The following RPS6KA2 variants were observed in gnomAD, a reference collection of about 807,000 sequenced individuals.
RPS6KA2 encodes the protein ribosomal protein S6 kinase alpha-2.
Under a neutral mutation model 91.8 loss-of-function variants are expected in RPS6KA2, and 42 were observed. The ratio of observed to expected loss-of-function variants is 0.46; its 90% confidence interval spans 0.36 to 0.59. The LOEUF (loss-of-function observed/expected upper bound fraction) is 0.59. Among genes scored for constraint, RPS6KA2 ranks in the 20% least tolerant of loss-of-function variants. The pLI is 0.00. For synonymous variants in RPS6KA2, 414 were observed against 393.6 expected (o/e 1.05, Z -0.61); for missense variants, 798 against 978.5 (o/e 0.82, Z 2.46).
At chr6:166,647,599 C>A (rs1787648764) in intron 2 of RPS6KA2, among the ~76,000 whole-genome samples, 1 of 152,218 alleles carries the variant, frequency 6.6e-6, no homozygotes, top group Non-Finnish European at 1.5e-5. Flanking sequence ...CATACCGCTC[C>A]CTAACAGGAA....
At chr6:166,709,694 G>T (rs1562395020) in intron 2 of RPS6KA2, among the ~76,000 whole-genome samples, 1 of 152,188 alleles carries the variant, frequency 6.6e-6, no homozygotes, top group Non-Finnish European at 1.5e-5. Context: ...TTAAGTCCTG[G>T]CACATTCCTC....
At chr6:166,475,402 G>A (rs531655927) in intron 10 of RPS6KA2, among the ~76,000 whole-genome samples, 2 of 152,308 alleles carry the variant, frequency 1.3e-5, no homozygotes, top group East Asian at 3.9e-4. Flanking sequence ...TGGGGACATT[G>A]CAGAGTCACA....
Position 166,411,968 on chromosome 6 carries a change from T to G in RPS6KA2, c.*794A>C, listed in dbSNP as rs1222773177. The G allele has an allele frequency of 6.6e-6, 1 of 152,088 alleles. No individual in the cohort carries two copies. Among genetic ancestry groups the G allele is most frequent in the Non-Finnish European group, 1.5e-5 (1 of 68,086 alleles). 9.4% of individuals were successfully genotyped at this position (152,088 alleles called of 1,614,324 possible). ...CAGATAGCTGTGTGGCCACGGGAGC[T>G]GGGGACAGACGGCAGCCCAGTGCGC... is the stretch of plus-strand genomic sequence containing the variant. On this transcript the variant is annotated 3_prime_UTR_variant, in exon 21 of 21. Coordinates refer to ENST00000265678, the MANE Select transcript of RPS6KA2 (RefSeq NM_021135.6). This position sits in a 1 kb window ranked among gnomAD's most constrained non-coding sequence, Gnocchi z 4.5.
chr6:166,510,515 A>G (rs1782426757), intron 3 of RPS6KA2, among the ~76,000 whole-genome samples, 158 bp from the exon 4 acceptor site: 1 of 139,820 alleles, frequency 7.2e-6, no homozygotes. Context: ...CCTAGATTTA[A>G]CAACTGCTTA....
At chr6:166,597,769 C>T (rs1053822028) in intron 1 of RPS6KA2, among the ~76,000 whole-genome samples, 1 of 152,134 alleles carries the variant, frequency 6.6e-6, no homozygotes, top group African/African-American at 2.4e-5. Context: ...CAAGAAATAT[C>T]CAATGGGTGA....
rs547948597 is a variant in RPS6KA2, at chr6:166,760,108, G to A, written c.123+98092C>T. ...TTTCAAATACACAGGAATAAAAACG[G>A]AAGGTTTCTTTTGGCTATCTGTAAC... On this transcript the variant is annotated intron_variant, in intron 2 of 21. Transcript: ENST00000503859. Among the ~76,000 whole-genome samples, 95 of 152,286 alleles carry A rather than the reference G, an allele frequency of 6.2e-4. 1 individual carries two copies. The highest frequency in any genetic ancestry group is 2.1e-3 in the African/African-American group (88 of 41,548).
At chr6:166,827,787 AC>A (rs1780086079) in intron 2 of RPS6KA2, among the ~76,000 whole-genome samples, 1 of 152,226 alleles carries the variant, frequency 6.6e-6, no homozygotes, top group African/African-American at 2.4e-5. Context: ...CTTAAATATA[AC>A]AATTTCAACA....
Position 166,504,628 on chromosome 6 carries a change from C to CA in RPS6KA2, c.460-17dup. 2 of 1,516,280 alleles carry CA rather than the reference C, an allele frequency of 1.3e-6. No homozygotes were observed. The highest frequency in any genetic ancestry group is 3.7e-5 in the Admixed American group (2 of 53,522). The allele number at this position is 1,516,280 out of a possible 1,614,324, so 93.9% of individuals were successfully genotyped here. A position where few individuals can be genotyped will look rare whatever the true frequency, so the allele number is the denominator to read the frequency against. On this transcript the variant is annotated splice_polypyrimidine_tract_variant and intron_variant, in intron 5 of 20. Transcript: ENST00000265678. The stretch of plus-strand genomic sequence containing the variant: ...TGAACATGACCTAGTAAGAAAAAAA[C>CA]AAAAACAAAAACAAAAAACGTTTAA...
intron 1 of RPS6KA2, chr6:166,586,183 A>G: frequency 6.3e-7 from 1 of 1,577,958 alleles, no homozygotes; most frequent in Non-Finnish European, 8.5e-7. Context: ...TGGGGATAGT[A>G]AGGTTCTTGT....
At chr6:166,772,358 G>T (rs983483049) in intron 2 of RPS6KA2, among the ~76,000 whole-genome samples, 34 of 152,096 alleles carry the variant, frequency 2.2e-4, no homozygotes, top group African/African-American at 7.2e-4. Flanking sequence ...TCTGGGGTTT[G>T]TGCTTGCTCT....
At chr6:166,750,766 A>G (rs1791257248) in intron 2 of RPS6KA2, among the ~76,000 whole-genome samples, 1 of 152,228 alleles carries the variant, frequency 6.6e-6, no homozygotes. Flanking sequence ...AGTGACAAGG[A>G]TCATACTGAG....
At position 166,557,323 on chromosome 6, in the gene RPS6KA2, C is replaced by T. The variant is rs1784206269; in HGVS notation, c.100-18539G>A. On this transcript the variant is annotated intron_variant, in intron 1 of 20. Coordinates refer to ENST00000265678, the MANE Select transcript of RPS6KA2 (RefSeq NM_021135.6). This position sits in a 1 kb window ranked among gnomAD's most constrained non-coding sequence, Gnocchi z 4.8. ...CAGCCCGCAGGGAAGACGCCCAAAACCTAAATCGACATAAACACGGTCCTG... is the reference window on the plus strand; with the variant it reads ...CAGCCCGCAGGGAAGACGCCCAAAATCTAAATCGACATAAACACGGTCCTG... Among the ~76,000 whole-genome samples, 1 of 152,204 alleles carries T rather than the reference C, an allele frequency of 6.6e-6. No homozygotes were observed. The highest frequency in any genetic ancestry group is 2.4e-5 in the African/African-American group (1 of 41,442).
intron 2 of RPS6KA2, among the ~76,000 whole-genome samples, chr6:166,794,635 G>C (rs1332929338): frequency 6.6e-6 from 1 of 150,490 alleles, no homozygotes; most frequent in Non-Finnish European, 1.5e-5. Flanking sequence ...ACTGGATTAA[G>C]AAAATGTGGC....
At position 166,412,521 on chromosome 6, in the gene RPS6KA2, C is replaced by T. The variant is rs1562475050; in HGVS notation, c.*241G>A. On this transcript the variant is annotated 3_prime_UTR_variant, in exon 21 of 21. Coordinates refer to ENST00000265678, the MANE Select transcript of RPS6KA2 (RefSeq NM_021135.6). The surrounding 1 kb of genome is among the most constrained non-coding windows in gnomAD (Gnocchi z 4.3). ...CGCACGGGCACGCGAGGTGAAGGGG[C>T]GCATTTGGTTTCGCTTGGGAGAAAA... 1.0e-5 allele frequency: 4 copies of T among 383,138 alleles called. No individual in the cohort carries two copies. Among genetic ancestry groups the T allele is most frequent in the African/African-American group, 2.1e-5 (1 of 48,196 alleles). The allele number at this position is 383,138 out of a possible 1,614,324, so 23.7% of individuals were successfully genotyped here.
At chr6:166,440,400 C>T (rs1779482480) in intron 14 of RPS6KA2, 2 of 152,124 alleles carry the variant, frequency 1.3e-5, no homozygotes, top group Middle Eastern at 3.2e-3. Context: ...TTTCTCGTTT[C>T]GAAAAAGCAA....
chr6:166,490,556 T>C lies in RPS6KA2; in HGVS notation c.818+115A>G. 1.3e-6 allele frequency: 1 copy of C among 746,656 alleles called. No individual in the cohort carries two copies. The highest frequency in any genetic ancestry group is 2.3e-6 in the Non-Finnish European group (1 of 431,188). 46.3% of individuals were successfully genotyped at this position (746,656 alleles called of 1,614,324 possible). Reference sequence around the variant, plus strand: ...TTTTAGAAAACAGCTTACAATACTTTGGCACTGTAAGCCTAGCAATGTAAT... The same window carrying C: ...TTTTAGAAAACAGCTTACAATACTTCGGCACTGTAAGCCTAGCAATGTAAT... On this transcript the variant is annotated intron_variant, in intron 9 of 20. Transcript: ENST00000265678. The surrounding 1 kb of genome is among the most constrained non-coding windows in gnomAD (Gnocchi z 4.2).
rs1203041892 is a variant in RPS6KA2 at position 166,435,473 on chromosome 6, C to A, written c.1333-2983G>T. 6.6e-6 allele frequency among the ~76,000 whole-genome samples: 1 copy of A among 152,212 alleles called. No individual in the cohort carries two copies. The highest frequency in any genetic ancestry group is 2.1e-4 in the South Asian group (1 of 4,832). On this transcript the variant is annotated intron_variant, in intron 14 of 20. Transcript: ENST00000265678. This position sits in a 1 kb window ranked among gnomAD's most constrained non-coding sequence, Gnocchi z 4.3. ...ACATATTAGTTACGCCTTTCAAAAT[C>A]ATGTAATTGCTTGGTGGAACCCCCA...
chr6:166,768,830 G>A (rs770390502), intron 2 of RPS6KA2, among the ~76,000 whole-genome samples: 1 of 152,156 alleles, frequency 6.6e-6, no homozygotes, highest in Admixed American at 6.5e-5. Flanking sequence ...TGGAAACACT[G>A]CCAGGAGTTT....
At chr6:166,678,104 C>T (rs975973579) in intron 2 of RPS6KA2, among the ~76,000 whole-genome samples, 1 of 152,202 alleles carries the variant, frequency 6.6e-6, no homozygotes, top group African/African-American at 2.4e-5. Flanking sequence ...CACACCTGTG[C>T]TGTGTTCATA....
Sources: gnomAD v4.1 joint callset for allele counts (sites outside exome capture counted in the v4.1 genomes callset) on GRCh38, gnomAD v4.1.1 for gene constraint, Gnocchi (gnomAD v3.1) non-coding constraint, MANE v1.5 for transcripts, NCBI Gene and HGNC (gene_info 2026-07-23, HGNC 2026-07-21) for gene names.